The following DIAPH2 variants were observed in gnomAD, a reference collection of about 807,000 sequenced individuals.
The protein encoded by DIAPH2 is protein diaphanous homolog 2.
A neutral mutation model predicts 92.7 loss-of-function variants in DIAPH2; 35 were observed. That is an observed-to-expected ratio of 0.38 (90% CI 0.29 to 0.50). The LOEUF is 0.50. DIAPH2 is among the 20% of genes least tolerant of loss of function. The pLI is 0.94. For missense variants in DIAPH2, 701 were observed against 819.5 expected, an observed-to-expected ratio of 0.86 and a Z score of 1.77; for synonymous variants, 301 against 280.4, an observed-to-expected ratio of 1.07 and a Z score of -0.73.
chrX:97,426,908 A>T (rs2070071214), intron 25 of DIAPH2, among the ~76,000 whole-genome samples: 1 of 111,412 alleles, frequency 9.0e-6, no homozygotes, highest in Non-Finnish European at 1.9e-5. Context: ...CAGGCGCAGT[A>T]GCTCACGCCT....
chrX:96,720,550 T>G, intron 1 of DIAPH2, among the ~76,000 whole-genome samples: 1 of 111,526 alleles, frequency 9.0e-6, no homozygotes, highest in African/African-American at 3.3e-5. Context: ...ATAATACAGT[T>G]TGGGGATTAT....
At chrX:97,100,080 G>A (rs988773215) in intron 20 of DIAPH2, among the ~76,000 whole-genome samples, 1 of 111,156 alleles carries the variant, frequency 9.0e-6, no homozygotes, top group Non-Finnish European at 1.9e-5. Context: ...TATGCAAACA[G>A]TATACATTAT....
chrX:97,462,714 G>C (rs2070469938), intron 26 of DIAPH2, among the ~76,000 whole-genome samples: 1 of 111,237 alleles, frequency 9.0e-6, no homozygotes, highest in Non-Finnish European at 1.9e-5. Flanking sequence ...GATATAGAAT[G>C]ATTAATTACT....
At chrX:97,246,115 T>C (rs2147548748) in intron 22 of DIAPH2, among the ~76,000 whole-genome samples, 1 of 106,499 alleles carries the variant, frequency 9.4e-6, no homozygotes, top group South Asian at 4.3e-4. Flanking sequence ...GGTTTCACCA[T>C]GTTGGCCAGG....
intron 25 of DIAPH2, among the ~76,000 whole-genome samples, chrX:97,408,808 T>A (rs1436938771): frequency 8.9e-6 from 1 of 111,905 alleles, no homozygotes; most frequent in South Asian, 3.7e-4. Context: ...TTTCCAAAAT[T>A]AAGCACATGA....
rs185495809 is a variant in DIAPH2 at position 96,966,552 on chromosome X, T to G, written c.2050+1345T>G. On this transcript the variant is annotated intron_variant, in intron 17 of 26. Coordinates refer to ENST00000324765, the MANE Select transcript of DIAPH2 (RefSeq NM_006729.5). ...ATGTGCATTTATCATTTTTTGTTTT[T>G]TATTCCTTGCTGTTTTCACCAACTG... Among the ~76,000 whole-genome samples, 86 of 112,395 alleles carry G rather than the reference T, an allele frequency of 7.7e-4. 1 individual carries two copies. Among genetic ancestry groups the G allele is most frequent in the African/African-American group, 2.6e-3 (82 of 31,059 alleles).
At chrX:96,958,651 C>T (rs756826781) in intron 16 of DIAPH2, among the ~76,000 whole-genome samples, 8 of 111,206 alleles carry the variant, frequency 7.2e-5, no homozygotes, top group Non-Finnish European at 1.5e-4. Flanking sequence ...CTTTACTGTG[C>T]TATCAAATGG....
At chrX:97,542,932 A>G (rs1183463876) in intron 26 of DIAPH2, among the ~76,000 whole-genome samples, 1 of 112,430 alleles carries the variant, frequency 8.9e-6, no homozygotes, top group Non-Finnish European at 1.9e-5. Context: ...CAACAAGACA[A>G]GAGTAGAAAG....
intron 22 of DIAPH2, among the ~76,000 whole-genome samples, chrX:97,238,930 T>C (rs181474570): frequency 8.9e-6 from 1 of 111,907 alleles, no homozygotes; most frequent in East Asian, 2.8e-4. Flanking sequence ...TAAGGAAAAT[T>C]ACAGGGTACT....
chrX:97,362,529 T>TA (rs1456825070), intron 24 of DIAPH2, among the ~76,000 whole-genome samples: 3 of 112,543 alleles, frequency 2.7e-5, no homozygotes, highest in Non-Finnish European at 5.6e-5. Flanking sequence ...AGAATATACT[T>TA]ACACAAGGAC....
intron 17 of DIAPH2, among the ~76,000 whole-genome samples, chrX:97,048,905 T>C (rs1037573718): frequency 1.8e-5 from 2 of 110,747 alleles, no homozygotes; most frequent in African/African-American, 6.5e-5. Context: ...CCTACATTTT[T>C]TTTTTTTAGC....
At chrX:97,500,792 A>C (rs1175057874) in intron 26 of DIAPH2, among the ~76,000 whole-genome samples, 7 of 90,284 alleles carry the variant, frequency 7.8e-5, no homozygotes, top group Non-Finnish European at 1.5e-4. Flanking sequence ...ATATATATAT[A>C]TATATATATA....
chrX:97,045,848 A>ACTT (rs1239959717), intron 17 of DIAPH2, among the ~76,000 whole-genome samples: 2 of 64,445 alleles, frequency 3.1e-5, no homozygotes, highest in African/African-American at 1.2e-4. Flanking sequence ...GTATTTTAGG[A>ACTT]TTTTTTTTTT....
chrX:96,707,125 CCTGTCTCTA>C (rs2063889897), intron 1 of DIAPH2, among the ~76,000 whole-genome samples: 1 of 109,070 alleles, frequency 9.2e-6, no homozygotes, highest in Non-Finnish European at 1.9e-5. Context: ...ATGATGAAAC[CCTGTCTCTA>C]CTTTTTGATT....
At chrX:97,363,656 ACT>A (rs1320594491) in intron 24 of DIAPH2, among the ~76,000 whole-genome samples, 2 of 81,241 alleles carry the variant, frequency 2.5e-5, no homozygotes, top group Non-Finnish European at 2.2e-5. Flanking sequence ...ACAGAGCGTG[ACT>A]CTGCCTCAAA....
intron 3 of DIAPH2, among the ~76,000 whole-genome samples, chrX:96,744,014 A>G (rs2064135072): frequency 1.8e-5 from 2 of 112,053 alleles, no homozygotes; most frequent in African/African-American, 3.2e-5. Context: ...TTTTTAAATA[A>G]CAGTATAATA....
intron 1 of DIAPH2, among the ~76,000 whole-genome samples, chrX:96,719,342 T>C (rs906909891): frequency 8.9e-6 from 1 of 112,262 alleles, no homozygotes; most frequent in Admixed American, 9.4e-5. Context: ...TGGAATATTA[T>C]GCAAGTAATC....
At chrX:97,257,837 C>T (rs2068249676) in intron 23 of DIAPH2, among the ~76,000 whole-genome samples, 1 of 109,870 alleles carries the variant, frequency 9.1e-6, no homozygotes, top group African/African-American at 3.3e-5. Flanking sequence ...ACATGCCTTG[C>T]AAAATGGAAA....
intron 23 of DIAPH2, among the ~76,000 whole-genome samples, chrX:97,324,967 T>A (rs1305007606): frequency 9.0e-6 from 1 of 111,056 alleles, no homozygotes; most frequent in African/African-American, 3.3e-5. Context: ...ACCCAGCTAA[T>A]TTTTGTATTT....
Sources: gnomAD v4.1 joint callset for allele counts (sites outside exome capture counted in the v4.1 genomes callset) on GRCh38, gnomAD v4.1.1 for gene constraint, MANE v1.5 for transcripts, NCBI Gene and HGNC (gene_info 2026-07-23, HGNC 2026-07-21) for gene names.